The following CNTNAP2 variants were observed in gnomAD, a reference collection of about 807,000 sequenced individuals.
CNTNAP2 encodes contactin-associated protein-like 2.
Under a neutral mutation model 155.2 loss-of-function variants are expected in CNTNAP2, and 98 were observed. The ratio of observed to expected loss-of-function variants is 0.63; its 90% CI spans 0.54 to 0.75. The LOEUF (loss-of-function observed/expected upper bound fraction) is 0.75. Ranked by LOEUF, CNTNAP2 falls within the 30% of genes least tolerant of loss-of-function variation. The pLI, the probability that CNTNAP2 is intolerant of heterozygous loss-of-function variation, is 0.00. For missense variants in CNTNAP2, 1,727 were observed against 1,688.1 expected (o/e 1.02, Z -0.40); for synonymous variants, 651 against 631.2 (o/e 1.03, Z -0.47).
At chr7:147,017,042 AAAAG>A (rs990417677) in intron 3 of CNTNAP2, among the ~76,000 whole-genome samples, 18 of 152,094 alleles carry the variant, frequency 1.2e-4, no homozygotes, top group African/African-American at 4.3e-4. Flanking sequence ...TAAAAAAAAA[AAAAG>A]AAATCAATGT....
chr7:148,200,748 G>A (rs1795357507), intron 18 of CNTNAP2, among the ~76,000 whole-genome samples: 1 of 152,126 alleles, frequency 6.6e-6, no homozygotes, highest in Admixed American at 6.5e-5. Context: ...GATATAAATA[G>A]AAGGCTTTGA....
chr7:147,980,131 T>C (rs2116868136), intron 15 of CNTNAP2, among the ~76,000 whole-genome samples: 2 of 152,366 alleles, frequency 1.3e-5, no homozygotes, highest in South Asian at 4.1e-4. Flanking sequence ...AACCATGTTA[T>C]GTGAAATGAA....
At chr7:148,162,439 G>A (rs1162493922) in intron 17 of CNTNAP2, among the ~76,000 whole-genome samples, 1 of 152,184 alleles carries the variant, frequency 6.6e-6, no homozygotes, top group Non-Finnish European at 1.5e-5. Context: ...GTAAAGCAAT[G>A]GCTTCTGAAA....
At chr7:147,701,210 C>A (rs952617928) in intron 13 of CNTNAP2, among the ~76,000 whole-genome samples, 1 of 152,146 alleles carries the variant, frequency 6.6e-6, no homozygotes, top group Non-Finnish European at 1.5e-5. Context: ...CTGAATATTT[C>A]TCTTCCCTTG....
At position 146,593,168 on chromosome 7, in the gene CNTNAP2, A is replaced by T. The variant is rs987360533; in HGVS notation, c.98-181103A>T. ...ACTATGTTTATTATTATTATTATTA[A>T]TATTATTATTATTATTTATCCCTGA... On this transcript the variant is annotated intron_variant, in intron 1 of 23. Transcript: ENST00000361727. Among the ~76,000 whole-genome samples, 54 of 149,988 alleles carry T rather than the reference A, an allele frequency of 3.6e-4. 1 individual carries two copies. The highest frequency in any genetic ancestry group is 9.8e-4 in the African/African-American group (40 of 40,892).
chr7:147,565,010 C>G (rs1160338413), intron 12 of CNTNAP2, among the ~76,000 whole-genome samples: 2 of 152,118 alleles, frequency 1.3e-5, no homozygotes, highest in Non-Finnish European at 2.9e-5. Context: ...CATGATGCCA[C>G]AAAGCTTGGC....
intron 22 of CNTNAP2, among the ~76,000 whole-genome samples, chr7:148,390,963 G>A (rs1457947718): frequency 6.6e-6 from 1 of 152,284 alleles, no homozygotes; most frequent in East Asian, 1.9e-4. Context: ...CCTAGATAGG[G>A]GGTCGCCATT....
chr7:147,273,974 CA>C (rs1804828654), intron 8 of CNTNAP2, among the ~76,000 whole-genome samples: 1 of 147,182 alleles, frequency 6.8e-6, no homozygotes, highest in South Asian at 2.1e-4. Context: ...ACATATATTA[CA>C]TGTATGTTAT....
chr7:146,850,776 A>T (rs917541930), intron 3 of CNTNAP2, among the ~76,000 whole-genome samples: 4 of 151,370 alleles, frequency 2.6e-5, no homozygotes, highest in African/African-American at 4.9e-5. Flanking sequence ...GCAAAATAAA[A>T]TACAAATAAA....
At chr7:147,824,824 T>G (rs1213210314) in intron 13 of CNTNAP2, among the ~76,000 whole-genome samples, 2 of 152,118 alleles carry the variant, frequency 1.3e-5, no homozygotes, top group Non-Finnish European at 2.9e-5. Flanking sequence ...AAGAAAGCTC[T>G]GAGTAGTTGT....
chr7:146,629,459 C>G (rs972257213), intron 1 of CNTNAP2, among the ~76,000 whole-genome samples: 5 of 152,036 alleles, frequency 3.3e-5, no homozygotes, highest in Admixed American at 6.6e-5. Context: ...AAATGTAGAA[C>G]AGAGCAGTTG....
chr7:147,878,492 T>C (rs1361889284), intron 13 of CNTNAP2, among the ~76,000 whole-genome samples: 1 of 152,154 alleles, frequency 6.6e-6, no homozygotes, highest in Non-Finnish European at 1.5e-5. Context: ...TTATTGTTTG[T>C]TATATATCAA....
At chr7:146,480,237 G>T (rs1348085824) in intron 1 of CNTNAP2, among the ~76,000 whole-genome samples, 1 of 152,032 alleles carries the variant, frequency 6.6e-6, no homozygotes, top group East Asian at 1.9e-4. Flanking sequence ...AAGTCCAAAA[G>T]GGTAAATTTC....
At chr7:147,084,473 T>C (rs1008573362) in intron 4 of CNTNAP2, among the ~76,000 whole-genome samples, 1 of 142,580 alleles carries the variant, frequency 7.0e-6, no homozygotes, top group African/African-American at 2.5e-5. Flanking sequence ...TATATGTATA[T>C]ACACATATAT....
chr7:146,131,540 T>C (rs1797713062), intron 1 of CNTNAP2, among the ~76,000 whole-genome samples: 1 of 152,230 alleles, frequency 6.6e-6, no homozygotes, highest in Non-Finnish European at 1.5e-5. Context: ...ATTGTTTGTT[T>C]TTAAGAAATG....
chr7:147,195,756 T>C (rs1198616931), intron 8 of CNTNAP2, among the ~76,000 whole-genome samples: 7 of 152,060 alleles, frequency 4.6e-5, no homozygotes, highest in Admixed American at 4.6e-4. Context: ...TTTTTGCACA[T>C]TGATTTTGTA....
At chr7:147,515,330 TTTGTTTG>T (rs1799102038) in intron 11 of CNTNAP2, among the ~76,000 whole-genome samples, 1 of 141,322 alleles carries the variant, frequency 7.1e-6, no homozygotes, top group Non-Finnish European at 1.6e-5. Context: ...TCTTTTTTTG[TTTGTTTG>T]TTTTGAGACA....
At chr7:148,319,774 C>A (rs1797757883) in intron 21 of CNTNAP2, among the ~76,000 whole-genome samples, 1 of 151,656 alleles carries the variant, frequency 6.6e-6, no homozygotes, top group Non-Finnish European at 1.5e-5. Context: ...GAGATGGGAC[C>A]ATCTAGTTGC....
intron 1 of CNTNAP2, among the ~76,000 whole-genome samples, chr7:146,374,979 T>C (rs572899928): frequency 7.2e-5 from 11 of 152,174 alleles, no homozygotes; most frequent in Non-Finnish European, 1.0e-4. Context: ...GAAGAAAATA[T>C]ATTAAAGTGT....
Sources: gnomAD v4.1 joint callset for allele counts (sites outside exome capture counted in the v4.1 genomes callset) on GRCh38, gnomAD v4.1.1 for gene constraint, MANE v1.5 for transcripts, NCBI Gene and HGNC (gene_info 2026-07-23, HGNC 2026-07-21) for gene names.